ZBTB5: variants seen among roughly 807,000 people sequenced by gnomAD.
ZBTB5 encodes the protein zinc finger and BTB domain containing 5.
In ZBTB5, 15 loss-of-function variants were observed where a neutral mutation model predicts 37.9. The ratio of observed to expected loss-of-function variants is 0.40; its 90% CI spans 0.26 to 0.61. The LOEUF is 0.61. ZBTB5 is among the 20% of genes least tolerant of loss of function. The pLI, the probability that ZBTB5 is intolerant of heterozygous loss-of-function variation, is 0.47. For missense variants in ZBTB5, 708 were observed against 856.8 expected (o/e 0.83, Z 2.17); for synonymous variants, 315 against 312.4 (o/e 1.01, Z -0.09).
In ZBTB5 at chr9:37,440,066, G is replaced by C. The variant is rs746011310; in HGVS notation, c.*452C>G. On this transcript the variant is annotated 3_prime_UTR_variant, in exon 2 of 2. Coordinates refer to ENST00000307750, the MANE Select transcript of ZBTB5 (RefSeq NM_014872.3). ...TGTGGCAGACAGGTGTGTCCTCAAA[G>C]GCCTTCCTTTAAGACAGGCACCAAA... 2 of 171,808 alleles carry C rather than the reference G, an allele frequency of 1.2e-5. No individual in the cohort carries two copies. The highest frequency in any genetic ancestry group is 2.5e-5 in the Non-Finnish European group (2 of 79,334). 10.6% of individuals were successfully genotyped at this position (171,808 alleles called of 1,614,324 possible).
chr9:37,450,903 A>T (rs1214137263), intron 1 of ZBTB5, among the ~76,000 whole-genome samples: 1 of 152,124 alleles, frequency 6.6e-6, no homozygotes, highest in Non-Finnish European at 1.5e-5. Context: ...CATATTATTT[A>T]ATATATACAT....
Position 37,438,440 on chromosome 9 carries a change from G to A in ZBTB5, c.*2078C>T, listed in dbSNP as rs1381508383. The stretch of plus-strand genomic sequence containing the variant: ...TCACACGTAGAAACTGACAGACTAA[G>A]AGGTAGATGAGAGATTCCAGGTTCC... On this transcript the variant is annotated 3_prime_UTR_variant, in exon 2 of 2. Coordinates refer to ENST00000307750, the MANE Select transcript of ZBTB5 (RefSeq NM_014872.3). 1.3e-5 allele frequency: 2 copies of A among 152,580 alleles called. No individual in the cohort carries two copies. Among genetic ancestry groups the A allele is most frequent in the Non-Finnish European group, 2.9e-5 (2 of 68,052 alleles). The allele number at this position is 152,580 out of a possible 1,614,324, so 9.5% of individuals were successfully genotyped here.
At position 37,442,510 on chromosome 9, in the gene ZBTB5, C is replaced by A; in HGVS notation, c.42G>T (p.Leu14=). The A allele has an allele frequency of 6.2e-7, 1 of 1,608,534 alleles. No individual in the cohort carries two copies. The highest frequency in any genetic ancestry group is 1.1e-5 in the South Asian group (1 of 90,742). Residue 14 remains leucine, a synonymous_variant, in exon 2 of 2, where the codon CTG becomes CTT. Transcript: ENST00000307750. ...GCTGGCCATGAAGTCTCTGGTAGTT[C>A]AGCTGCTGGAAGATTTGTTCAAAGT... is the stretch of plus-strand genomic sequence containing the variant. ...PGHFEQIFQQ[L]NYQRLHGQLC...
At chr9:37,454,452 G>A (rs944967093) in intron 1 of ZBTB5, among the ~76,000 whole-genome samples, 7 of 152,184 alleles carry the variant, frequency 4.6e-5, no homozygotes, top group Admixed American at 3.3e-4. Flanking sequence ...AGTGTGGCAA[G>A]CAATCTACTG....
At position 37,440,478 on chromosome 9, in the gene ZBTB5, C is replaced by A; in HGVS notation, c.*40G>T. ...AACTGCTTACCAAAAGAAATTCAGTCTGACAACTGGCCTCAGCGTTGTCTT... is the reference window on the plus strand; with the variant it reads ...AACTGCTTACCAAAAGAAATTCAGTATGACAACTGGCCTCAGCGTTGTCTT... On this transcript the variant is annotated 3_prime_UTR_variant, in exon 2 of 2. Transcript: ENST00000307750. 2 of 1,579,420 alleles carry A rather than the reference C, an allele frequency of 1.3e-6. No individual in the cohort carries two copies. Among genetic ancestry groups the A allele is most frequent in the South Asian group, 1.1e-5 (1 of 88,876 alleles).
intron 1 of ZBTB5, among the ~76,000 whole-genome samples, chr9:37,463,857 A>G (rs1391900844): frequency 6.6e-6 from 1 of 152,172 alleles, no homozygotes; most frequent in Non-Finnish European, 1.5e-5. Flanking sequence ...GGACTCTTCA[A>G]AAAAAGAGTC....
Position 37,441,676 on chromosome 9 carries a change from T to TGCA in ZBTB5, c.873_875dup (p.Ala292dup). 6.2e-7 allele frequency: 1 copy of TGCA among 1,613,948 alleles called. No individual in the cohort carries two copies. The highest frequency in any genetic ancestry group is 8.5e-7 in the Non-Finnish European group (1 of 1,179,996). Reference sequence around the variant, plus strand: ...GATCAAAACTAGTCTCAACCTGAGTTGCACGAGAGGCCATGGACAACTGTG... The same window carrying TGCA: ...GATCAAAACTAGTCTCAACCTGAGTTGCAGCACGAGAGGCCATGGACAACTGTG... On this transcript the variant is annotated inframe_insertion, in exon 2 of 2. Transcript: ENST00000307750.
chr9:37,464,604 G>A (rs1460881552), intron 1 of ZBTB5, among the ~76,000 whole-genome samples: 3 of 152,180 alleles, frequency 2.0e-5, no homozygotes, highest in African/African-American at 7.2e-5. Context: ...CTCCAAACAG[G>A]AGAAGATGGG....
intron 1 of ZBTB5, among the ~76,000 whole-genome samples, chr9:37,456,288 C>A (rs1824187261): frequency 6.6e-6 from 1 of 152,130 alleles, no homozygotes; most frequent in African/African-American, 2.4e-5. Flanking sequence ...CCAAGTCAGA[C>A]AGAGCGGAGT....
chr9:37,446,301 T>TG (rs1192702849), intron 1 of ZBTB5, among the ~76,000 whole-genome samples: 34 of 152,350 alleles, frequency 2.2e-4, no homozygotes, highest in Admixed American at 2.2e-3. Context: ...CTTGCTCTGA[T>TG]GTCCCAGCCA....
intron 1 of ZBTB5, among the ~76,000 whole-genome samples, chr9:37,443,167 T>C (rs1261861820): frequency 6.6e-6 from 1 of 151,870 alleles, no homozygotes; most frequent in Non-Finnish European, 1.5e-5. Flanking sequence ...CTGACCAACA[T>C]GATGAAACCC....
chr9:37,460,528 T>C (rs1824273894), intron 1 of ZBTB5, among the ~76,000 whole-genome samples: 1 of 152,176 alleles, frequency 6.6e-6, no homozygotes, highest in South Asian at 2.1e-4. Flanking sequence ...GAGACCTGCT[T>C]GGTTAACATA....
Position 37,442,008 on chromosome 9 carries a change from G to A in ZBTB5, c.544C>T (p.Arg182Cys), listed in dbSNP as rs747980674. 15 of 1,613,796 alleles carry A rather than the reference G, an allele frequency of 9.3e-6. No homozygotes were observed. Among genetic ancestry groups the A allele is most frequent in the East Asian group, 4.5e-5 (2 of 44,876 alleles). ...SSSMRSNLDQ[R>C]TPFPMRRLHK... ...AGGCGTCTCATGGGGAAGGGCGTGC[G>A]CTGATCCAGGTTACTGCGCATGGAA... is the stretch of plus-strand genomic sequence containing the variant. The change falls in exon 2 of 2, where the codon CGC (arginine) becomes TGC (cysteine). Residue 182 changes from arginine to cysteine, a missense_variant. Arg to Cys is a radical substitution (Grantham distance 180). Coordinates refer to ENST00000307750, the MANE Select transcript of ZBTB5 (RefSeq NM_014872.3).
At chr9:37,443,760 GTC>G (rs906416850) in intron 1 of ZBTB5, among the ~76,000 whole-genome samples, 4 of 151,964 alleles carry the variant, frequency 2.6e-5, no homozygotes, top group African/African-American at 9.7e-5. Context: ...GTGAAACCCT[GTC>G]TCTACCAAAA....
At position 37,465,419 on chromosome 9, in the gene ZBTB5, G is replaced by A. The variant is rs1023563343; in HGVS notation, c.-209C>T. ...GTTCGCCGCAGCACTCTGAGAACAC[G>A]GCGGCGGCGCCCGAGGATAAGCGGA... On this transcript the variant is annotated 5_prime_UTR_variant, in exon 1 of 2. Transcript: ENST00000307750. The A allele has an allele frequency of 7.1e-6, 1 of 139,880 alleles. No homozygotes were observed. The highest frequency in any genetic ancestry group is 1.5e-5 in the Non-Finnish European group (1 of 65,522). The allele number at this position is 139,880 out of a possible 1,614,324, so 8.7% of individuals were successfully genotyped here. A position where few individuals can be genotyped will look rare whatever the true frequency, so the allele number is the denominator to read the frequency against.
chr9:37,453,041 T>C (rs993090625), intron 1 of ZBTB5, among the ~76,000 whole-genome samples: 1 of 152,236 alleles, frequency 6.6e-6, no homozygotes, highest in Non-Finnish European at 1.5e-5. Flanking sequence ...AAACAGATGC[T>C]ACTGTCTATT....
Position 37,440,390 on chromosome 9 carries a change from T to C in ZBTB5, c.*128A>G. 1 of 699,496 alleles carries C rather than the reference T, an allele frequency of 1.4e-6. No homozygotes were observed. Among genetic ancestry groups the C allele is most frequent in the Non-Finnish European group, 2.4e-6 (1 of 424,542 alleles). 43.3% of individuals were successfully genotyped at this position (699,496 alleles called of 1,614,324 possible). On this transcript the variant is annotated 3_prime_UTR_variant, in exon 2 of 2. Coordinates refer to ENST00000307750, the MANE Select transcript of ZBTB5 (RefSeq NM_014872.3). ...CAAATACTACATGTTAGTTCTCCGG[T>C]TATTAGTTGCTAAACTGTTTAAGAG...
chr9:37,455,835 C>T (rs997623593), intron 1 of ZBTB5, among the ~76,000 whole-genome samples: 3 of 151,980 alleles, frequency 2.0e-5, no homozygotes, highest in African/African-American at 7.3e-5. Context: ...CTCAAGTAGG[C>T]TAGGATTTTT....
At chr9:37,446,415 T>C (rs1191764040) in intron 1 of ZBTB5, among the ~76,000 whole-genome samples, 1 of 152,252 alleles carries the variant, frequency 6.6e-6, no homozygotes, top group Non-Finnish European at 1.5e-5. Flanking sequence ...GAGACTATTA[T>C]GCTATTCAGC....
Sources: gnomAD v4.1 joint callset for allele counts (sites outside exome capture counted in the v4.1 genomes callset) on GRCh38, gnomAD v4.1.1 for gene constraint, MANE v1.5 for transcripts, NCBI Gene and HGNC (gene_info 2026-07-23, HGNC 2026-07-21) for gene names.